Variants in DUSP22 observed in about 807,000 individuals in gnomAD.
The protein encoded by DUSP22 is dual specificity phosphatase 22, also known as dual specificity protein phosphatase 22.
DUSP22 carries 24 observed loss-of-function variants against 24.5 expected under a neutral mutation model. The ratio of observed to expected loss-of-function variants is 0.98; its 90% confidence interval spans 0.71 to 1.38. The LOEUF (loss-of-function observed/expected upper bound fraction) is 1.38. Among genes scored for constraint, DUSP22 ranks in the 40% most tolerant of loss-of-function variants. DUSP22 has a pLI of 0.00. For missense variants in DUSP22, 330 were observed against 269.2 expected (o/e 1.23, Z -1.58); for synonymous variants, 160 against 106.4 (o/e 1.50, Z -3.10).
At chr6:340,948 T>G (rs1248390714) in intron 4 of DUSP22, among the ~76,000 whole-genome samples, 5 of 152,126 alleles carry the variant, frequency 3.3e-5, no homozygotes, top group Non-Finnish European at 5.9e-5. Flanking sequence ...CCATCTTTTC[T>G]TAGACTCTCT....
chr6:312,019 C>T, intron 3 of DUSP22, 57 bp downstream of exon 3: 2 of 1,564,734 alleles, frequency 1.3e-6, no homozygotes, highest in Non-Finnish European at 1.7e-6. Flanking sequence ...CGTGGGAGTA[C>T]CTACGACGTT....
At chr6:320,092 C>CA (rs1427113942) in intron 3 of DUSP22, 2 of 152,656 alleles carry the variant, frequency 1.3e-5, no homozygotes, top group South Asian at 2.1e-4. Flanking sequence ...TGGCTGGACT[C>CA]AGAGGGCTTG....
At chr6:327,722 A>T (rs1202419258) in intron 3 of DUSP22, among the ~76,000 whole-genome samples, 2 of 152,304 alleles carry the variant, frequency 1.3e-5, no homozygotes, top group Non-Finnish European at 2.9e-5. Context: ...CTCCACAGAG[A>T]GCCTGGTGGG....
At chr6:319,563 C>T (rs1758494322) in intron 3 of DUSP22, among the ~76,000 whole-genome samples, 1 of 152,304 alleles carries the variant, frequency 6.6e-6, no homozygotes, top group African/African-American at 2.4e-5. Flanking sequence ...TTTTTTAGGA[C>T]TCACAGATGC....
Position 301,776 on chromosome 6 carries a change from A to T in DUSP22, c.22-2852A>T, listed in dbSNP as rs1464414462. 3.3e-5 allele frequency among the ~76,000 whole-genome samples: 5 copies of T among 152,426 alleles called. No homozygotes were observed. The East Asian group carries it at 9.6e-4, about 29-fold the overall frequency. ...GCACCATCAGGGGCAGGAGGACTTG[A>T]CAACGGTGGTGGGAAAACAGTGGTT... is the stretch of plus-strand genomic sequence containing the variant. On this transcript the variant is annotated intron_variant, in intron 1 of 6. Coordinates refer to ENST00000419235, the MANE Select transcript of DUSP22 (RefSeq NM_001286555.3).
chr6:314,317 G>A (rs1758245925), intron 3 of DUSP22, among the ~76,000 whole-genome samples: 1 of 152,280 alleles, frequency 6.6e-6, no homozygotes, highest in Non-Finnish European at 1.5e-5. Flanking sequence ...CCCCAGGCTG[G>A]GGCTTGGTAG....
intron 2 of DUSP22, among the ~76,000 whole-genome samples, chr6:307,644 C>T (rs574593974): frequency 6.8e-4 from 104 of 152,376 alleles, no homozygotes; most frequent in African/African-American, 2.3e-3. Flanking sequence ...AGGGTGGGTC[C>T]GTGGCTTCCT....
At chr6:335,926 C>T (rs1030073465) in intron 4 of DUSP22, among the ~76,000 whole-genome samples, 4 of 152,306 alleles carry the variant, frequency 2.6e-5, no homozygotes, top group African/African-American at 9.6e-5. Flanking sequence ...GTTATTTTAA[C>T]TCTGCACCTA....
intron 4 of DUSP22, among the ~76,000 whole-genome samples, chr6:335,754 G>T (rs572930262): frequency 6.6e-6 from 1 of 152,302 alleles, no homozygotes; most frequent in Non-Finnish European, 1.5e-5. Context: ...GCACATCTCC[G>T]TTCAGACCAG....
At chr6:318,702 C>A (rs1463576144) in intron 3 of DUSP22, among the ~76,000 whole-genome samples, 1 of 152,312 alleles carries the variant, frequency 6.6e-6, no homozygotes, top group Admixed American at 6.5e-5. Flanking sequence ...GGATAAACCC[C>A]CAAAGCCACA....
chr6:304,508 G>A (rs1292462830), intron 1 of DUSP22, 120 bp from the exon 2 acceptor site: 3 of 1,432,746 alleles, frequency 2.1e-6, no homozygotes, highest in African/African-American at 2.8e-5. Flanking sequence ...TGTCAGGGAG[G>A]TGCTGTACTG....
chr6:322,745 A>G (rs1310360261), intron 3 of DUSP22, among the ~76,000 whole-genome samples: 1 of 151,458 alleles, frequency 6.6e-6, no homozygotes, highest in East Asian at 2.0e-4. Flanking sequence ...CTGGCTGACT[A>G]GCAGAAAGCT....
chr6:298,519 A>C (rs1325888088), intron 1 of DUSP22, among the ~76,000 whole-genome samples: 4 of 152,296 alleles, frequency 2.6e-5, no homozygotes, highest in African/African-American at 9.6e-5. Context: ...TAAACTCAAA[A>C]TATTTCCTGC....
chr6:349,605 G>GGT lies in DUSP22; in HGVS notation c.*656_*657dup, dbSNP rs1194927203. 5.9e-5 allele frequency: 58 copies of GGT among 987,520 alleles called. No individual in the cohort carries two copies. In the African/African-American group the frequency reaches 9.6e-4, roughly 16 times the overall value. The allele number at this position is 987,520 out of a possible 1,614,324, so 61.2% of individuals were successfully genotyped here. On this transcript the variant is annotated 3_prime_UTR_variant, in exon 7 of 7. Coordinates refer to ENST00000419235, the MANE Select transcript of DUSP22 (RefSeq NM_001286555.3). ...AGGGGCCAGACTCCTCTAGAGGGAG[G>GGT]GTGGCTCTGGGGCCCTGGAAAACGT...
intron 3 of DUSP22, 54 bp downstream of exon 3, chr6:312,016 G>C (rs1293668826): frequency 6.4e-7 from 1 of 1,570,142 alleles, no homozygotes; most frequent in East Asian, 2.3e-5. Flanking sequence ...TTCCGTGGGA[G>C]TACCTACGAC....
Position 348,170 on chromosome 6 carries a change from TG to T in DUSP22, c.334del (p.Glu112ArgfsTer39). Reference sequence around the variant, plus strand: ...CATCATGACCGTCACTGACTTTGGCTGGGAGGATGCCCTGCACACCGTGCGT... The same window carrying T: ...CATCATGACCGTCACTGACTTTGGCTGGAGGATGCCCTGCACACCGTGCGT... ...AYIMTVTDFG[W>X]EDALHTVRAG... On this transcript the variant is annotated frameshift_variant, in exon 6 of 7. Transcript: ENST00000419235. LOFTEE classifies it high-confidence loss of function. 1 of 1,614,310 alleles carries T rather than the reference TG, an allele frequency of 6.2e-7. No individual in the cohort carries two copies. Among genetic ancestry groups the T allele is most frequent in the Non-Finnish European group, 8.5e-7 (1 of 1,180,060 alleles).
intron 3 of DUSP22, among the ~76,000 whole-genome samples, chr6:317,007 T>G (rs1049505097): frequency 1.2e-4 from 18 of 152,304 alleles, no homozygotes; most frequent in Admixed American, 8.5e-4. Context: ...TGGGATGTTT[T>G]CATATGCAGA....
chr6:293,797 C>CTTTTT lies in DUSP22; in HGVS notation c.21+1254_21+1258dup, dbSNP rs11436850. On this transcript the variant is annotated intron_variant, in intron 1 of 6. Transcript: ENST00000419235. ...ATTTTGGTAAAGAGAATTGTATTCA[C>CTTTTT]TTTTTTTTTTTTTTTTTTTTTGGCG... 4.6e-4 allele frequency among the ~76,000 whole-genome samples: 57 copies of CTTTTT among 123,652 alleles called. 1 individual carries two copies. The highest frequency in any genetic ancestry group is 1.0e-3 in the African/African-American group (34 of 32,966). The allele number at this position is 123,652 out of a possible 152,430, so 81.1% of individuals were successfully genotyped here. A position where few individuals can be genotyped will look rare whatever the true frequency, so the allele number is the denominator to read the frequency against.
At chr6:330,134 C>G (rs982836943) in intron 3 of DUSP22, among the ~76,000 whole-genome samples, 1 of 152,396 alleles carries the variant, frequency 6.6e-6, no homozygotes, top group Non-Finnish European at 1.5e-5. Flanking sequence ...GGAGGAGGAC[C>G]CCCCTGGGCT....
Sources: allele counts gnomAD v4.1 joint callset (sites outside exome capture counted in the v4.1 genomes callset), GRCh38; gene constraint gnomAD v4.1.1; transcripts MANE v1.5; gene names NCBI Gene and HGNC (gene_info 2026-07-23, HGNC 2026-07-21).